The following LHX8 variants were observed in gnomAD, a reference collection of about 807,000 sequenced individuals.
The protein encoded by LHX8 is LIM/homeobox protein Lhx8.
In LHX8, 12 loss-of-function variants were observed where a neutral mutation model predicts 40.3. The observed-to-expected ratio is 0.30, with a 90% CI of 0.19 to 0.48. The LOEUF (loss-of-function observed/expected upper bound fraction) is 0.48. Ranked by LOEUF, LHX8 falls within the 20% of genes least tolerant of loss-of-function variation. The probability of loss-of-function intolerance (pLI) is 0.99; values close to 1 mark genes in which losing one functional copy is unlikely to be tolerated. For missense variants in LHX8, 344 were observed against 433.7 expected, an observed-to-expected ratio of 0.79 and a Z score of 1.84; for synonymous variants, 179 against 162.0, an observed-to-expected ratio of 1.10 and a Z score of -0.80.
Position 75,134,821 on chromosome 1 carries a change from A to ATTTTT in LHX8, c.-138_-134dup. The ATTTTT allele has an allele frequency of 9.3e-6, 6 of 647,774 alleles. No homozygotes were observed. The highest frequency in any genetic ancestry group is 1.1e-5 in the Non-Finnish European group (6 of 522,754). The allele number at this position is 647,774 out of a possible 1,614,324, so 40.1% of individuals were successfully genotyped here. A position where few individuals can be genotyped will look rare whatever the true frequency, so the allele number is the denominator to read the frequency against. On this transcript the variant is annotated 5_prime_UTR_variant, in exon 1 of 9. Transcript: ENST00000356261. ...AACGGCCTCATCTTCAGACCTGGCAATTTTTTTTTTTTATTACGTAGTAGC... is the reference window on the plus strand; with the variant it reads ...AACGGCCTCATCTTCAGACCTGGCAATTTTTTTTTTTTTTTTTATTACGTAGTAGC...
chr1:75,174,625 T>C, the LHX8 span, among the ~76,000 whole-genome samples: 1 of 152,106 alleles, frequency 6.6e-6, no homozygotes, highest in Non-Finnish European at 1.5e-5. Flanking sequence ...AGCCCTGAAA[T>C]TTCAGCCTCA....
intron 7 of LHX8, among the ~76,000 whole-genome samples, chr1:75,150,746 G>T (rs1002484129): frequency 6.7e-6 from 1 of 148,826 alleles, no homozygotes; most frequent in African/African-American, 2.5e-5. Context: ...GTGTGATCTC[G>T]GCTCACTGGA....
At chr1:75,131,485 A>G (rs1647957413), upstream of LHX8, 1 of 152,602 alleles carries the variant, frequency 6.6e-6, no homozygotes, top group African/African-American at 2.4e-5. Context: ...AAGGATGTTT[A>G]TAAACGGCGC....
intron 2 of LHX8, 26 bp from the exon 3 acceptor site, chr1:75,137,074 C>A (rs762598293): frequency 1.9e-6 from 3 of 1,589,720 alleles, no homozygotes; most frequent in East Asian, 2.3e-5. Flanking sequence ...GGTCTAGAAC[C>A]GCCTGCGCCT....
At chr1:75,131,040 G>C (rs1647946784), upstream of LHX8, 1 of 453,758 alleles carries the variant, frequency 2.2e-6, no homozygotes, top group Non-Finnish European at 4.0e-6. Context: ...GGAGGTGGGC[G>C]GTGAGGGCCG....
At chr1:75,139,094 G>A (rs1024535585) in intron 3 of LHX8, among the ~76,000 whole-genome samples, 6 of 152,100 alleles carry the variant, frequency 3.9e-5, no homozygotes, top group African/African-American at 1.2e-4. Context: ...ATTTTAGGGT[G>A]TAACTAATAT....
At chr1:75,183,481 TAA>T in the LHX8 span, among the ~76,000 whole-genome samples, 7 of 148,550 alleles carry the variant, frequency 4.7e-5, no homozygotes, top group African/African-American at 1.7e-4. Flanking sequence ...ATAATGTTCT[TAA>T]AAAAAAAAAT....
the LHX8 span, among the ~76,000 whole-genome samples, chr1:75,178,167 T>C: frequency 9.2e-5 from 14 of 152,230 alleles, no homozygotes; most frequent in Non-Finnish European, 1.6e-4. Context: ...CAGGCCTTGG[T>C]ATCAGTATTA....
the LHX8 span, among the ~76,000 whole-genome samples, chr1:75,173,412 C>G: frequency 1.9e-5 from 2 of 106,396 alleles, no homozygotes; most frequent in African/African-American, 3.7e-5. Context: ...GAGACGGAAT[C>G]TCGTTCTGTC....
intron 1 of LHX8, among the ~76,000 whole-genome samples, chr1:75,129,231 T>G (rs966754893): frequency 6.6e-6 from 1 of 152,204 alleles, no homozygotes; most frequent in African/African-American, 2.4e-5. Context: ...CCTGTGCTCT[T>G]ACTATAATAA....
At chr1:75,152,493 C>T (rs539303346) in intron 7 of LHX8, among the ~76,000 whole-genome samples, 1 of 152,314 alleles carries the variant, frequency 6.6e-6, no homozygotes, top group South Asian at 2.1e-4. Flanking sequence ...GAATACCCTT[C>T]CATATTAACA....
intron 4 of LHX8, among the ~76,000 whole-genome samples, chr1:75,141,809 A>G (rs1329641834): frequency 6.6e-6 from 1 of 152,190 alleles, no homozygotes; most frequent in Admixed American, 6.5e-5. Flanking sequence ...AAATTACAAC[A>G]TATTTTCTTT....
At chr1:75,129,457 A>G (rs1465983362), upstream of LHX8, among the ~76,000 whole-genome samples, 1 of 152,190 alleles carries the variant, frequency 6.6e-6, no homozygotes, top group Admixed American at 6.5e-5. Context: ...TTGTAAAAGC[A>G]TAGCTTTACG....
intron 8 of LHX8, 171 bp from the exon 9 acceptor site, chr1:75,160,648 C>T: frequency 1.6e-6 from 1 of 636,654 alleles, no homozygotes; most frequent in Non-Finnish European, 2.8e-6. Context: ...CCTGGACTCT[C>T]ACTATGCTGA....
chr1:75,140,531 G>A (rs1286791717), intron 3 of LHX8, among the ~76,000 whole-genome samples: 2 of 152,072 alleles, frequency 1.3e-5, no homozygotes, highest in Non-Finnish European at 2.9e-5. Flanking sequence ...GAGGTATACA[G>A]TTTATAATTG....
downstream of LHX8, among the ~76,000 whole-genome samples, chr1:75,163,267 TAC>T (rs1648966790): frequency 6.6e-6 from 1 of 152,186 alleles, no homozygotes; most frequent in Non-Finnish European, 1.5e-5. Context: ...TAAAATTTGT[TAC>T]AGTCATCTGA....
chr1:75,136,538 G>A (rs893012589), intron 1 of LHX8, 65 bp from the exon 2 acceptor site: 8 of 1,206,974 alleles, frequency 6.6e-6, no homozygotes, highest in African/African-American at 1.5e-5. Flanking sequence ...CCGAGGCTGG[G>A]GCGGGCAGCA....
chr1:75,165,586 GA>G (rs983674107), downstream of LHX8, among the ~76,000 whole-genome samples: 1 of 151,908 alleles, frequency 6.6e-6, no homozygotes, highest in East Asian at 1.9e-4. Context: ...ATCAATGGAG[GA>G]AAAAAAGATG....
At chr1:75,162,053 C>T (rs906844363), downstream of LHX8, among the ~76,000 whole-genome samples, 1 of 152,002 alleles carries the variant, frequency 6.6e-6, no homozygotes, top group South Asian at 2.1e-4. Context: ...TGAGAAAAAA[C>T]TTTTAGAACT....
Sources: gnomAD v4.1 joint callset for allele counts (sites outside exome capture counted in the v4.1 genomes callset) on GRCh38, gnomAD v4.1.1 for gene constraint, MANE v1.5 for transcripts, NCBI Gene and HGNC (gene_info 2026-07-23, HGNC 2026-07-21) for gene names.